The following USP48 variants were observed in gnomAD, a reference collection of about 807,000 sequenced individuals.
The protein encoded by USP48 is ubiquitin specific peptidase 48, also known as ubiquitin carboxyl-terminal hydrolase 48.
Under a neutral mutation model 150.7 loss-of-function variants are expected in USP48, and 43 were observed. That is an observed-to-expected ratio of 0.29 (90% CI 0.22 to 0.37). USP48 has a LOEUF of 0.37. Ranked by LOEUF, USP48 falls within the 10% of genes least tolerant of loss-of-function variation. The pLI is 1.00. For synonymous variants in USP48, 396 were observed against 425.9 expected, an observed-to-expected ratio of 0.93 and a Z score of 0.86; for missense variants, 813 against 1,249.6, an observed-to-expected ratio of 0.65 and a Z score of 5.27.
intron 12 of USP48, among the ~76,000 whole-genome samples, chr1:21,722,816 C>T (rs996060967): frequency 4.6e-5 from 7 of 152,156 alleles, no homozygotes; most frequent in African/African-American, 1.4e-4. Context: ...GCCTGGGCAA[C>T]AGAGTGAGAC....
Position 21,683,884 on chromosome 1 carries a change from T to A in USP48, c.3059-3050A>T, listed in dbSNP as rs116275083. Among the ~76,000 whole-genome samples the A allele has an allele frequency of 6.6e-3, 1,006 of 152,272 alleles. 7 individuals carry two copies. The highest frequency in any genetic ancestry group is 0.022 in the African/African-American group (921 of 41,538). The stretch of plus-strand genomic sequence containing the variant: ...ACGTATGAGTGAGAAAATACAGTAT[T>A]GTCTTTCTGAGCCTGGCTTATTTCA... On this transcript the variant is annotated intron_variant, in intron 25 of 26. Transcript: ENST00000308271.
At chr1:21,761,257 C>A (rs1323511221) in intron 1 of USP48, among the ~76,000 whole-genome samples, 1 of 151,192 alleles carries the variant, frequency 6.6e-6, no homozygotes, top group Non-Finnish European at 1.5e-5. Flanking sequence ...CTGTACTTGC[C>A]AGCTATAAGT....
intron 13 of USP48, 135 bp from the exon 14 acceptor site, chr1:21,721,301 C>T (rs1314598321): frequency 2.4e-6 from 3 of 1,264,140 alleles, no homozygotes; most frequent in African/African-American, 3.0e-5. Flanking sequence ...TGATTTTAAC[C>T]CACTTCCTAA....
Position 21,783,032 on chromosome 1 carries a change from G to C in USP48, c.-75C>G. On this transcript the variant is annotated 5_prime_UTR_variant, in exon 1 of 27. Transcript: ENST00000308271. ...CGCGGTCTGCACCGCCGCCCCAATG[G>C]GCTTCGCCACCTGCCAGCAAGGAGG... 7.1e-7 allele frequency: 1 copy of C among 1,417,028 alleles called. No homozygotes were observed. The allele number at this position is 1,417,028 out of a possible 1,614,324, so 87.8% of individuals were successfully genotyped here. A position where few individuals can be genotyped will look rare whatever the true frequency, so the allele number is the denominator to read the frequency against.
chr1:21,681,504 C>T (rs1558978740), intron 25 of USP48, among the ~76,000 whole-genome samples: 5 of 152,124 alleles, frequency 3.3e-5, no homozygotes, highest in South Asian at 2.1e-4. Flanking sequence ...TCAAGTGATC[C>T]GCCCGCCACA....
chr1:21,736,408 T>C (rs550936065), intron 9 of USP48, 38 bp downstream of exon 9: 1 of 1,540,836 alleles, frequency 6.5e-7, no homozygotes, highest in African/African-American at 1.4e-5. Context: ...AAAATAAATT[T>C]ATATTTTAAA....
At chr1:21,713,086 C>T (rs533129094) in intron 15 of USP48, among the ~76,000 whole-genome samples, 1 of 144,774 alleles carries the variant, frequency 6.9e-6, no homozygotes, top group East Asian at 2.3e-4. Flanking sequence ...CTTTCTTTCT[C>T]TTTCTCACTC....
At position 21,741,929 on chromosome 1, in the gene USP48, G is replaced by A. The variant is rs567162140; in HGVS notation, c.991+5138C>T. ...GTCAAGGCTGCAGTGAGCCATGATC[G>A]TGCTACACTGCACTCCAGCCTCGGT... On this transcript the variant is annotated intron_variant, in intron 8 of 26. Transcript: ENST00000308271. 6.6e-5 allele frequency among the ~76,000 whole-genome samples: 10 copies of A among 152,232 alleles called. No homozygotes were observed. The East Asian group carries it at 1.7e-3, about 26-fold the overall frequency.
chr1:21,696,146 A>C (rs777235627), intron 22 of USP48, among the ~76,000 whole-genome samples: 25 of 152,246 alleles, frequency 1.6e-4, no homozygotes, highest in Non-Finnish European at 3.5e-4. Context: ...TTCAATGTCA[A>C]GAAGGCAAAG....
Position 21,687,218 on chromosome 1 carries a change from A to T in USP48, c.3031T>A (p.Tyr1011Asn). The T allele has an allele frequency of 6.2e-7, 1 of 1,613,214 alleles. No homozygotes were observed. Among genetic ancestry groups the T allele is most frequent in the Non-Finnish European group, 8.5e-7 (1 of 1,179,480 alleles). The change falls in exon 25 of 27, where the codon TAT becomes AAT. Residue 1011 changes from tyrosine to asparagine, a missense_variant. By Grantham distance (143) the Tyr-to-Asn change is moderately radical. Transcript: ENST00000308271. The part of the protein sequence containing the change: ...LLKADEPIAD[Y>N]AAMDDVMQVC... ...TGCATGACATCATCCATTGCAGCAT[A>T]ATCTGCAATTGGTTCATCAGCCTAG...
chr1:21,782,611 T>C (rs2097917251), intron 1 of USP48, among the ~76,000 whole-genome samples: 1 of 152,214 alleles, frequency 6.6e-6, no homozygotes. Flanking sequence ...CAAACCTTCC[T>C]AAAGTGCTTT....
chr1:21,687,492 C>T (rs1309913202), intron 24 of USP48, among the ~76,000 whole-genome samples: 1 of 152,188 alleles, frequency 6.6e-6, no homozygotes, highest in Non-Finnish European at 1.5e-5. Flanking sequence ...ACTATTTTCC[C>T]ATTCTTAAAG....
At chr1:21,736,732 A>G (rs1476624700) in intron 8 of USP48, 107 bp from the exon 9 acceptor site, 7 of 963,388 alleles carry the variant, frequency 7.3e-6, no homozygotes, top group Non-Finnish European at 9.9e-6. Flanking sequence ...GGTATAACTA[A>G]AAACATGTCA....
chr1:21,751,674 T>C (rs1416885954), intron 5 of USP48, 59 bp from the exon 6 acceptor site: 19 of 1,260,674 alleles, frequency 1.5e-5, no homozygotes, highest in Non-Finnish European at 1.9e-5. Context: ...CAAAGTTATA[T>C]TGTATTACAT....
chr1:21,706,109 A>G lies in USP48; in HGVS notation c.2273+17T>C. 6.2e-7 allele frequency: 1 copy of G among 1,611,584 alleles called. No individual in the cohort carries two copies. On this transcript the variant is annotated intron_variant, in intron 18 of 26. Coordinates refer to ENST00000308271, the MANE Select transcript of USP48 (RefSeq NM_032236.8). The stretch of plus-strand genomic sequence containing the variant: ...AATCAGTAACAATAAAGGAAATAAA[A>G]CATATTTTGTTTCTACCTAACAAAT...
At chr1:21,753,823 T>A (rs1202757970) in intron 3 of USP48, among the ~76,000 whole-genome samples, 1 of 86,638 alleles carries the variant, frequency 1.2e-5, no homozygotes, top group Non-Finnish European at 2.2e-5. Context: ...CGAGACTCTT[T>A]AAAAAAAAAA....
chr1:21,731,408 C>T (rs369215856), intron 9 of USP48, among the ~76,000 whole-genome samples: 4 of 151,668 alleles, frequency 2.6e-5, no homozygotes, highest in Admixed American at 2.0e-4. Flanking sequence ...GGATTACAGG[C>T]GTGTGTCACC....
intron 1 of USP48, among the ~76,000 whole-genome samples, chr1:21,770,003 T>G (rs975207683): frequency 2.0e-5 from 3 of 152,024 alleles, no homozygotes; most frequent in Admixed American, 6.6e-5. Flanking sequence ...GAATATAATA[T>G]ATAGTATATA....
Position 21,723,963 on chromosome 1 carries a change from T to C in USP48, c.1583A>G (p.Lys528Arg). 6.2e-7 allele frequency: 1 copy of C among 1,614,154 alleles called. No individual in the cohort carries two copies. The highest frequency in any genetic ancestry group is 8.5e-7 in the Non-Finnish European group (1 of 1,180,026). ...GTCAGCTGCATATTCAGATATCCTC[T>C]TCATAATTGATATTTTATCCGGGTG... ...KLHPDKISIM[K>R]RISEYAADIF... Residue 528 changes from lysine (K) to arginine (R), a missense_variant, in exon 12 of 27, where the codon AAG becomes AGG. Coordinates refer to ENST00000308271, the MANE Select transcript of USP48 (RefSeq NM_032236.8).
Sources: allele counts gnomAD v4.1 joint callset (sites outside exome capture counted in the v4.1 genomes callset), GRCh38; gene constraint gnomAD v4.1.1; transcripts MANE v1.5; gene names NCBI Gene and HGNC (gene_info 2026-07-23, HGNC 2026-07-21).